The following MYH9 variants were observed in gnomAD, a reference collection of about 807,000 sequenced individuals.
MYH9 encodes myosin heavy chain 9.
A neutral mutation model predicts 241.9 loss-of-function variants in MYH9; 29 were observed. The observed-to-expected ratio is 0.12, with a 90% confidence interval of 0.09 to 0.16. The LOEUF (loss-of-function observed/expected upper bound fraction) is 0.16, where lower values mean the gene tolerates loss of function less well. Among genes scored for constraint, MYH9 ranks in the 10% least tolerant of loss-of-function variants. The probability of loss-of-function intolerance (pLI) is 1.00; values close to 1 mark genes in which losing one functional copy is unlikely to be tolerated. For synonymous variants in MYH9, 1,047 were observed against 1,062.6 expected, an observed-to-expected ratio of 0.99 and a Z score of 0.29; for missense variants, 1,803 against 2,595.5, an observed-to-expected ratio of 0.69 and a Z score of 6.63.
chr22:36,285,589 G>T lies in MYH9; in HGVS notation c.5274+69C>A. The T allele has an allele frequency of 6.2e-7, 1 of 1,603,762 alleles. No homozygotes were observed. The highest frequency in any genetic ancestry group is 1.7e-5 in the Admixed American group (1 of 59,548). ...CACTTGGCCTGTGCTTCTGCCGGCT[G>T]GGTCCAAGGCCAGCTCTGCCGTGGT... On this transcript the variant is annotated intron_variant, in intron 37 of 40. Coordinates refer to ENST00000216181, the MANE Select transcript of MYH9 (RefSeq NM_002473.6). The surrounding 1 kb of genome is among the most constrained non-coding windows in gnomAD (Gnocchi z 7.0).
In MYH9 at chr22:36,282,676, C is replaced by T. The variant is rs747338693; in HGVS notation, c.5875G>A (p.Ala1959Thr). The change falls in exon 41 of 41, where the codon GCC (alanine) becomes ACC (threonine). Residue 1959 changes from alanine (A) to threonine (T), a missense_variant. By Grantham distance (58) the Ala-to-Thr change is moderately conservative (BLOSUM62 0). Transcript: ENST00000216181. The stretch of plus-strand genomic sequence containing the variant: ...GCTGCAGGAGAAGAGGCTTATTCGG[C>T]AGGTTTGGCCTCAGCCCCATCCGCT... ...GKADGAEAKPAE is the reference protein window; with the variant it reads ...GKADGAEAKPTE 7.4e-6 allele frequency: 12 copies of T among 1,613,942 alleles called. No individual in the cohort carries two copies. The South Asian group carries it at 1.1e-4, about 15-fold the overall frequency.
Position 36,348,274 on chromosome 22 carries a change from C to T in MYH9, c.333+630G>A, listed in dbSNP as rs188792233. 1.0e-3 allele frequency among the ~76,000 whole-genome samples: 153 copies of T among 150,904 alleles called. 1 individual carries two copies. Among genetic ancestry groups the T allele is most frequent in the Admixed American group, 1.6e-3 (24 of 15,194 alleles). ...CTGTAATGCCAGCACTTTGGGAGGC[C>T]GAGGCGGGTGGATCACCTGAGGTCA... On this transcript the variant is annotated intron_variant, in intron 2 of 40. Transcript: ENST00000216181.
In MYH9 at chr22:36,298,944, A is replaced by G; in HGVS notation, c.3075T>C (p.His1025=). 1 of 1,613,994 alleles carries G rather than the reference A, an allele frequency of 6.2e-7. No individual in the cohort carries two copies. Among genetic ancestry groups the G allele is most frequent in the Non-Finnish European group, 8.5e-7 (1 of 1,179,966 alleles). The change falls in exon 24 of 41, where the codon CAT becomes CAC. Residue 1025 remains histidine (H), a synonymous_variant. Coordinates refer to ENST00000216181, the MANE Select transcript of MYH9 (RefSeq NM_002473.6). ...SKSLAKLKNK[H]EAMITDLEER... is the part of the protein sequence containing the mutation. Reference sequence around the variant, plus strand: ...CTTCCAAGTCAGTGATCATTGCCTCATGCTTGTTCTTGAGCTTGGCGAGGC... The same window carrying G: ...CTTCCAAGTCAGTGATCATTGCCTCGTGCTTGTTCTTGAGCTTGGCGAGGC...
chr22:36,319,766 A>C (rs2146362681), intron 9 of MYH9, 131 bp from the exon 10 acceptor site: 5 of 905,918 alleles, frequency 5.5e-6, no homozygotes, highest in Non-Finnish European at 8.8e-6. Context: ...CCCTGGGGCC[A>C]CAGGGGCGCC....
In MYH9 at chr22:36,349,003, G is replaced by A. The variant is rs773145674; in HGVS notation, c.234C>T (p.Pro78=). The change falls in exon 2 of 41, where the codon CCC becomes CCT. Residue 78 remains proline, a synonymous_variant. Coordinates refer to ENST00000216181, the MANE Select transcript of MYH9 (RefSeq NM_002473.6). ...NKDDIQKMNP[P]KFSKVEDMAE... is the part of the protein sequence containing the mutation. ...CCATGTCCTCCACCTTGGAGAACTT[G>A]GGCGGGTTCATCTTCTGGATGTCAT... 1.9e-6 allele frequency: 3 copies of A among 1,614,110 alleles called. No individual in the cohort carries two copies. In the African/African-American group the frequency reaches 4.0e-5, roughly 22 times the overall value.
At chr22:36,286,635 G>C in intron 35 of MYH9, 83 bp downstream of exon 35, 1 of 1,589,298 alleles carries the variant, frequency 6.3e-7, no homozygotes, top group Non-Finnish European at 8.6e-7. Flanking sequence ...TAGGACTCCA[G>C]CCCTGTCCTC....
rs1427332110 is a variant in MYH9, at chr22:36,302,692, C to T, written c.2391-16G>A. 5 of 1,610,284 alleles carry T rather than the reference C, an allele frequency of 3.1e-6. No homozygotes were observed. In the South Asian group the frequency reaches 5.5e-5, roughly 18 times the overall value. Reference sequence around the variant, plus strand: ...GGCAAATGCTCTGTGTGGTGAGGAACATGGTCAGCGCGGAGCAGTGGACAG... The same window carrying T: ...GGCAAATGCTCTGTGTGGTGAGGAATATGGTCAGCGCGGAGCAGTGGACAG... On this transcript the variant is annotated splice_polypyrimidine_tract_variant and intron_variant, in intron 19 of 40. Transcript: ENST00000216181.
chr22:36,285,641 G>A lies in MYH9; in HGVS notation c.5274+17C>T. 1 of 1,611,806 alleles carries A rather than the reference G, an allele frequency of 6.2e-7. No homozygotes were observed. Among genetic ancestry groups the A allele is most frequent in the Non-Finnish European group, 8.5e-7 (1 of 1,180,014 alleles). ...GCTCCAGCCAGAGCCCAGAGTGGGA[G>A]AAGTCCTGGCACCCACCTGCAGGTT... is the stretch of plus-strand genomic sequence containing the variant. On this transcript the variant is annotated intron_variant, in intron 37 of 40. Transcript: ENST00000216181. This position sits in a 1 kb window ranked among gnomAD's most constrained non-coding sequence, Gnocchi z 7.0.
At position 36,295,439 on chromosome 22, in the gene MYH9, A is replaced by G. The variant is rs1248206299; in HGVS notation, c.3485+66T>C. 5.2e-6 allele frequency: 7 copies of G among 1,342,436 alleles called. 1 individual carries two copies. Among genetic ancestry groups the G allele is most frequent in the South Asian group, 2.4e-5 (2 of 83,274 alleles). 83.2% of individuals were successfully genotyped at this position (1,342,436 alleles called of 1,614,324 possible). On this transcript the variant is annotated intron_variant, in intron 26 of 40. Coordinates refer to ENST00000216181, the MANE Select transcript of MYH9 (RefSeq NM_002473.6). This position sits in a 1 kb window ranked among gnomAD's most constrained non-coding sequence, Gnocchi z 4.1. Reference sequence around the variant, plus strand: ...GTGTGTGTGCAGAGGCCCGGGGTCCATGTCTCCAAGCCAAGGCCCCCCTGG... The same window carrying G: ...GTGTGTGTGCAGAGGCCCGGGGTCCGTGTCTCCAAGCCAAGGCCCCCCTGG...
rs140215106 is a variant in MYH9, at chr22:36,349,000, C to T, written c.237G>A (p.Lys79=). The change falls in exon 2 of 41, where the codon AAG becomes AAA. Residue 79 remains lysine (K), a synonymous_variant. Transcript: ENST00000216181. ...CTGCCATGTCCTCCACCTTGGAGAA[C>T]TTGGGCGGGTTCATCTTCTGGATGT... The part of the protein sequence containing the change: ...KDDIQKMNPP[K]FSKVEDMAEL... The T allele has an allele frequency of 1.1e-5, 18 of 1,614,246 alleles. No individual in the cohort carries two copies. Among genetic ancestry groups the T allele is most frequent in the Non-Finnish European group, 1.4e-5 (17 of 1,180,038 alleles).
chr22:36,372,767 G>C (rs1320508795), intron 1 of MYH9, among the ~76,000 whole-genome samples: 1 of 152,112 alleles, frequency 6.6e-6, no homozygotes, highest in Non-Finnish European at 1.5e-5. Flanking sequence ...CGTGCCCTCG[G>C]TGGGGTGGGG....
At chr22:36,386,276 C>A (rs1327033072) in intron 1 of MYH9, among the ~76,000 whole-genome samples, 2 of 152,102 alleles carry the variant, frequency 1.3e-5, no homozygotes, top group East Asian at 3.9e-4. Flanking sequence ...CCCCCACCAC[C>A]TGGCAGAGTC....
intron 1 of MYH9, among the ~76,000 whole-genome samples, chr22:36,384,381 G>A (rs367772671): frequency 1.3e-5 from 2 of 149,990 alleles, no homozygotes; most frequent in East Asian, 2.0e-4. Flanking sequence ...TCAGGAGTTC[G>A]AGATCAGCCT....
chr22:36,337,198 T>C (rs2017513308), intron 3 of MYH9, among the ~76,000 whole-genome samples: 1 of 152,282 alleles, frequency 6.6e-6, no homozygotes, highest in Admixed American at 6.5e-5. Flanking sequence ...GAGAATATTT[T>C]TGGTTGTCAC....
chr22:36,322,043 C>G, intron 6 of MYH9: 1 of 600,516 alleles, frequency 1.7e-6, no homozygotes, highest in South Asian at 1.9e-5. Context: ...GAGCCTGAGA[C>G]AAGCTGATCC....
In MYH9 at chr22:36,308,811, G is replaced by T. The variant is rs978541869; in HGVS notation, c.1843+471C>A. The stretch of plus-strand genomic sequence containing the variant: ...CACCACTCGGGCGGCCAGTCACCTG[G>T]TTCTAGGTGGAGAATAGGAAAGCGA... On this transcript the variant is annotated intron_variant, in intron 15 of 40. Transcript: ENST00000216181. The T allele has an allele frequency of 1.9e-5, 19 of 985,154 alleles. No homozygotes were observed. The South Asian group carries it at 2.3e-4, about 12-fold the overall frequency. The allele number at this position is 985,154 out of a possible 1,614,324, so 61.0% of individuals were successfully genotyped here. A position where few individuals can be genotyped will look rare whatever the true frequency, so the allele number is the denominator to read the frequency against.
chr22:36,385,257 G>A (rs1204098446), intron 1 of MYH9, among the ~76,000 whole-genome samples: 1 of 151,322 alleles, frequency 6.6e-6, no homozygotes. Context: ...GAAAACAACA[G>A]CCAACCCCTC....
chr22:36,308,721 G>GA, intron 15 of MYH9: 1 of 763,776 alleles, frequency 1.3e-6, no homozygotes, highest in Non-Finnish European at 1.6e-6. Flanking sequence ...GGCAAGGGGG[G>GA]GCGCGAGAAA....
chr22:36,320,335 T>C lies in MYH9; in HGVS notation c.897A>G (p.Lys299=). Residue 299 remains lysine, a synonymous_variant, in exon 9 of 41, where the codon AAA becomes AAG. Coordinates refer to ENST00000216181, the MANE Select transcript of MYH9 (RefSeq NM_002473.6). The surrounding 1 kb of genome is among the most constrained non-coding windows in gnomAD (Gnocchi z 4.8). ...KTDLLLEPYN[K]YRFLSNGHVT... ...CGTGTCCATTGGACAGGAAGCGGTATTTGTTGTACGGCTCCAACAGGAGAT... is the reference window on the plus strand; with the variant it reads ...CGTGTCCATTGGACAGGAAGCGGTACTTGTTGTACGGCTCCAACAGGAGAT... The C allele has an allele frequency of 1.2e-6, 2 of 1,614,092 alleles. No homozygotes were observed. Among genetic ancestry groups the C allele is most frequent in the South Asian group, 2.2e-5 (2 of 91,082 alleles).
Sources: gnomAD v4.1 joint callset for allele counts (sites outside exome capture counted in the v4.1 genomes callset) on GRCh38, gnomAD v4.1.1 for gene constraint, Gnocchi (gnomAD v3.1) non-coding constraint, MANE v1.5 for transcripts, NCBI Gene and HGNC (gene_info 2026-07-23, HGNC 2026-07-21) for gene names.